The following CCDC93 variants were observed in gnomAD, a reference collection of about 807,000 sequenced individuals.
CCDC93 encodes the protein CCC complex scaffolding subunit CCDC93, also known as coiled-coil domain-containing protein 93.
In CCDC93, 61 loss-of-function variants were observed where a neutral mutation model predicts 108.2. The observed-to-expected ratio is 0.56, with a 90% confidence interval of 0.46 to 0.70. The LOEUF is 0.70. CCDC93 is among the 30% of genes least tolerant of loss of function. The pLI is 0.00. For synonymous variants in CCDC93, 276 were observed against 260.4 expected (o/e 1.06, Z -0.58); for missense variants, 685 against 764.2 (o/e 0.90, Z 1.22).
chr2:117,946,207 TG>T (rs1219340887), intron 16 of CCDC93, among the ~76,000 whole-genome samples: 1 of 152,120 alleles, frequency 6.6e-6, no homozygotes, highest in African/African-American at 2.4e-5. Flanking sequence ...CGGTCTGGCG[TG>T]GGGTGGCTGG....
In CCDC93 at chr2:117,996,254, C is replaced by T. The variant is rs746811432; in HGVS notation, c.462+10G>A. The stretch of plus-strand genomic sequence containing the variant: ...TCAGTGGGACAAGAAAATAAAATCA[C>T]AATACTGACCTCAGGGAGACTGTAA... On this transcript the variant is annotated intron_variant, in intron 5 of 23. Transcript: ENST00000376300. 1.3e-6 allele frequency: 2 copies of T among 1,565,986 alleles called. No individual in the cohort carries two copies. The highest frequency in any genetic ancestry group is 4.5e-5 in the East Asian group (2 of 44,564).
At chr2:117,986,204 G>A (rs147601291) in intron 6 of CCDC93, 135 bp from the exon 7 acceptor site, 7,170 of 526,844 alleles carry the variant, frequency 0.014, 87 homozygotes, top group Non-Finnish European at 0.016. Context: ...TCGCTCTGTC[G>A]CTCAGGCTGG....
rs951266962 is a variant in CCDC93 at position 117,917,702 on chromosome 2, T to A, written c.*2641A>T. 6.6e-6 allele frequency: 1 copy of A among 152,248 alleles called. No individual in the cohort carries two copies. The highest frequency in any genetic ancestry group is 1.5e-5 in the Non-Finnish European group (1 of 68,100). The allele number at this position is 152,248 out of a possible 1,614,324, so 9.4% of individuals were successfully genotyped here. Reference sequence around the variant, plus strand: ...AGAGACGGAGCACAGGTCAAAGACATCAACAAATGTCCTAGCATCTCCCCA... The same window carrying A: ...AGAGACGGAGCACAGGTCAAAGACAACAACAAATGTCCTAGCATCTCCCCA... On this transcript the variant is annotated 3_prime_UTR_variant, in exon 24 of 24. Transcript: ENST00000376300.
intron 12 of CCDC93, among the ~76,000 whole-genome samples, 163 bp downstream of exon 12, chr2:117,958,202 G>T (rs1436198421): frequency 2.0e-5 from 3 of 152,142 alleles, no homozygotes; most frequent in African/African-American, 7.2e-5. Flanking sequence ...CAGAAAATGT[G>T]TAAACAAATG....
intron 23 of CCDC93, among the ~76,000 whole-genome samples, chr2:117,927,483 G>C (rs931386199): frequency 2.0e-5 from 3 of 151,800 alleles, no homozygotes; most frequent in African/African-American, 7.2e-5. Flanking sequence ...CAGACAGAGA[G>C]CCAAATCATG....
At chr2:117,965,363 A>T (rs2104767196) in intron 11 of CCDC93, among the ~76,000 whole-genome samples, 1 of 152,274 alleles carries the variant, frequency 6.6e-6, no homozygotes, top group South Asian at 2.1e-4. Flanking sequence ...CAGGTGGCAG[A>T]TCAGGCTGAT....
At chr2:118,010,852 C>T (rs1573537540) in intron 1 of CCDC93, among the ~76,000 whole-genome samples, 1 of 152,212 alleles carries the variant, frequency 6.6e-6, no homozygotes, top group Non-Finnish European at 1.5e-5. Flanking sequence ...CAAATTCCAG[C>T]TCCCATGCAA....
At chr2:117,986,480 T>C (rs1228857387) in intron 6 of CCDC93, among the ~76,000 whole-genome samples, 1 of 152,160 alleles carries the variant, frequency 6.6e-6, no homozygotes, top group Non-Finnish European at 1.5e-5. Flanking sequence ...GCAGCTGCTA[T>C]GCCAGCAAGG....
intron 23 of CCDC93, chr2:117,930,753 C>T (rs13387061): frequency 0.024 from 5,931 of 244,560 alleles, 373 homozygotes; most frequent in African/African-American, 0.12. Flanking sequence ...GCCCTTGATA[C>T]GGACTGATGG....
chr2:118,000,668 C>T (rs1399158928), intron 4 of CCDC93, 153 bp downstream of exon 4: 4 of 579,928 alleles, frequency 6.9e-6, no homozygotes, highest in Admixed American at 3.0e-5. Context: ...CTGAAGATGA[C>T]GACAACGAAC....
At chr2:117,947,963 G>C (rs1454230246) in intron 15 of CCDC93, 142 bp downstream of exon 15, 3 of 666,672 alleles carry the variant, frequency 4.5e-6, no homozygotes, top group South Asian at 1.8e-5. Context: ...CAAAGTGCTG[G>C]GATTACAGGC....
chr2:117,980,741 C>T (rs1183087886), intron 7 of CCDC93, among the ~76,000 whole-genome samples: 1 of 152,176 alleles, frequency 6.6e-6, no homozygotes, highest in Non-Finnish European at 1.5e-5. Context: ...AAGTGTATTG[C>T]TCACTGGATT....
At chr2:117,964,022 G>A (rs1282955627) in intron 11 of CCDC93, among the ~76,000 whole-genome samples, 1 of 152,192 alleles carries the variant, frequency 6.6e-6, no homozygotes, top group Non-Finnish European at 1.5e-5. Context: ...AATTACGTAA[G>A]AGTCGATCCG....
chr2:117,982,760 G>A (rs896348482), intron 7 of CCDC93, among the ~76,000 whole-genome samples: 2 of 151,876 alleles, frequency 1.3e-5, no homozygotes, highest in Non-Finnish European at 2.9e-5. Context: ...TGTAGTGGGG[G>A]GGGGGGTGCG....
intron 1 of CCDC93, among the ~76,000 whole-genome samples, chr2:118,013,099 G>A (rs1677062740): frequency 6.6e-6 from 1 of 152,190 alleles, no homozygotes; most frequent in Admixed American, 6.5e-5. Flanking sequence ...AACTGAAAGG[G>A]ACGACAGATG....
At chr2:118,013,760 G>A (rs957679705) in intron 1 of CCDC93, among the ~76,000 whole-genome samples, 194 bp downstream of exon 1, 2 of 152,130 alleles carry the variant, frequency 1.3e-5, no homozygotes, top group African/African-American at 4.8e-5. Context: ...TCACCCGCCC[G>A]CCGCCCCCTG....
At chr2:117,971,595 T>G (rs1355048263) in intron 11 of CCDC93, among the ~76,000 whole-genome samples, 2 of 152,078 alleles carry the variant, frequency 1.3e-5, no homozygotes, top group East Asian at 3.9e-4. Flanking sequence ...AAAAGTAATA[T>G]TATTCTCATT....
chr2:117,931,001 C>T (rs754052843), intron 23 of CCDC93, 36 bp downstream of exon 23: 33 of 1,377,718 alleles, frequency 2.4e-5, no homozygotes, highest in African/African-American at 1.4e-4. Context: ...ATATATCTCA[C>T]GTTAGCCTTA....
rs564881578 is a variant in CCDC93 at position 118,013,697 on chromosome 2, G to C, written c.42+257C>G. Among the ~76,000 whole-genome samples the C allele has an allele frequency of 3.3e-5, 5 of 152,070 alleles. No homozygotes were observed. The South Asian group carries it at 1.0e-3, about 32-fold the overall frequency. ...GGGGCTGCGTCAGAGCAGGTGTCGG[G>C]CTAGGAAGGCCACCTGCGCCCCAAG... On this transcript the variant is annotated intron_variant, in intron 1 of 23. Transcript: ENST00000376300.
Sources: allele counts gnomAD v4.1 joint callset (sites outside exome capture counted in the v4.1 genomes callset), GRCh38; gene constraint gnomAD v4.1.1; transcripts MANE v1.5; gene names NCBI Gene and HGNC (gene_info 2026-07-23, HGNC 2026-07-21).